Variants in IL18 observed in about 807,000 individuals in gnomAD.
IL18 encodes the protein interleukin 18.
IL18 carries 8 observed loss-of-function variants against 14.2 expected under a neutral mutation model. That is an observed-to-expected ratio of 0.56 (90% CI 0.33 to 1.01). IL18 has a LOEUF of 1.01. Among genes scored for constraint, IL18 ranks in the 50% least tolerant of loss-of-function variants. The pLI, the probability that IL18 is intolerant of heterozygous loss-of-function variation, is 0.03. For missense variants in IL18, 166 were observed against 231.1 expected, an observed-to-expected ratio of 0.72 and a Z score of 1.83; for synonymous variants, 67 against 71.0, an observed-to-expected ratio of 0.94 and a Z score of 0.28.
intron 1 of IL18, among the ~76,000 whole-genome samples, chr11:112,158,381 T>G (rs1866570559): frequency 6.6e-6 from 1 of 152,338 alleles, no homozygotes; most frequent in African/African-American, 2.4e-5. Context: ...ATTGTTGCTT[T>G]CTTTCTTTTT....
Position 112,144,459 on chromosome 11 carries a change from C to A in IL18, c.361-642G>T, listed in dbSNP as rs181057755. Among the ~76,000 whole-genome samples, 9 of 152,290 alleles carry A rather than the reference C, an allele frequency of 5.9e-5. No individual in the cohort carries two copies. In the East Asian group the frequency reaches 1.7e-3, roughly 29 times the overall value. ...GGGGTATCTCACTTTGTTGCCTAGG[C>A]TGGTCCTGAACTCCTGGCCTCAAGT... is the stretch of plus-strand genomic sequence containing the variant. On this transcript the variant is annotated intron_variant, in intron 5 of 5. Transcript: ENST00000280357.
At position 112,143,546 on chromosome 11, in the gene IL18, G is replaced by A. The variant is rs191859038; in HGVS notation, c.*50C>T. ...ATCTGCCCGCCTCAGCCTCCCAAAG[G>A]GCTGGGATTACAGGCGTGAGCCACT... On this transcript the variant is annotated 3_prime_UTR_variant, in exon 6 of 6. Coordinates refer to ENST00000280357, the MANE Select transcript of IL18 (RefSeq NM_001562.4). The A allele has an allele frequency of 2.0e-4, 257 of 1,268,766 alleles. 1 individual carries two copies. In the African/African-American group the frequency reaches 3.4e-3, roughly 17 times the overall value. 78.6% of individuals were successfully genotyped at this position (1,268,766 alleles called of 1,614,324 possible).
intron 5 of IL18, 134 bp from the exon 6 acceptor site, chr11:112,143,951 G>C (rs761553581): frequency 3.2e-6 from 2 of 617,792 alleles, no homozygotes; most frequent in Non-Finnish European, 5.6e-6. Flanking sequence ...AAAAATCTCT[G>C]AACAGCAGTA....
chr11:112,150,332 A>T, intron 3 of IL18, 126 bp from the exon 4 acceptor site: 3 of 650,156 alleles, frequency 4.6e-6, no homozygotes, highest in Non-Finnish European at 7.8e-6. Context: ...AGTAGCTACA[A>T]TAAAGTTGCC....
At chr11:112,150,328 T>A in intron 3 of IL18, 122 bp from the exon 4 acceptor site, 1 of 659,906 alleles carries the variant, frequency 1.5e-6, no homozygotes, top group Non-Finnish European at 2.5e-6. Flanking sequence ...CAGAAGTAGC[T>A]ACAATAAAGT....
intron 2 of IL18, 70 bp downstream of exon 2, chr11:112,154,905 C>T (rs139377429): frequency 5.2e-6 from 5 of 967,094 alleles, no homozygotes; most frequent in African/African-American, 1.6e-5. Flanking sequence ...TAATAGTTCA[C>T]CTCACAACAT....
chr11:112,162,858 C>G lies in IL18; in HGVS notation c.-9+1048G>C, dbSNP rs886409621. Among the ~76,000 whole-genome samples the G allele has an allele frequency of 4.1e-4, 62 of 152,078 alleles. 1 individual carries two copies. The highest frequency in any genetic ancestry group is 4.1e-3 in the Admixed American group (62 of 15,260). The stretch of plus-strand genomic sequence containing the variant: ...GAGAAAGTCTCGCTCTGTTTAGTGG[C>G]TGAACTCACCACAGATTTGGCTATC... On this transcript the variant is annotated intron_variant, in intron 1 of 5. Transcript: ENST00000280357.
Position 112,143,593 on chromosome 11 carries a change from T to C in IL18, c.*3A>G, listed in dbSNP as rs781577029. ...CACTGCGCCCGGCATGAAATTTTAATAGCTAGTCTTCGTTTTGAACAGTGA... is the reference window on the plus strand; with the variant it reads ...CACTGCGCCCGGCATGAAATTTTAACAGCTAGTCTTCGTTTTGAACAGTGA... On this transcript the variant is annotated 3_prime_UTR_variant, in exon 6 of 6. Transcript: ENST00000280357. The C allele has an allele frequency of 1.5e-5, 24 of 1,597,612 alleles. No homozygotes were observed. In the South Asian group the frequency reaches 2.4e-4, roughly 16 times the overall value.
chr11:112,145,255 A>G (rs1440652575), intron 5 of IL18, among the ~76,000 whole-genome samples: 1 of 152,240 alleles, frequency 6.6e-6, no homozygotes, highest in Non-Finnish European at 1.5e-5. Context: ...TAAGTTGATG[A>G]AAGTATAAAC....
intron 1 of IL18, among the ~76,000 whole-genome samples, chr11:112,157,565 C>A (rs867788713): frequency 6.6e-6 from 1 of 152,020 alleles, no homozygotes; most frequent in African/African-American, 2.4e-5. Flanking sequence ...TAATGAATGA[C>A]GTAAGAGCTG....
rs898093667 is a variant in IL18, at chr11:112,143,550, G to A, written c.*46C>T. On this transcript the variant is annotated 3_prime_UTR_variant, in exon 6 of 6. Coordinates refer to ENST00000280357, the MANE Select transcript of IL18 (RefSeq NM_001562.4). ...GCCCGCCTCAGCCTCCCAAAGGGCT[G>A]GGATTACAGGCGTGAGCCACTGCGC... The A allele has an allele frequency of 2.3e-6, 3 of 1,322,342 alleles. No individual in the cohort carries two copies. The highest frequency in any genetic ancestry group is 2.9e-5 in the African/African-American group (2 of 69,252). The allele number at this position is 1,322,342 out of a possible 1,614,324, so 81.9% of individuals were successfully genotyped here.
chr11:112,149,984 T>C, intron 4 of IL18, 88 bp downstream of exon 4: 2 of 1,143,148 alleles, frequency 1.7e-6, no homozygotes, highest in South Asian at 1.7e-5. Flanking sequence ...CATCTGAGGA[T>C]TGGGACTAGC....
chr11:112,143,430 G>A lies in IL18; in HGVS notation c.*166C>T. On this transcript the variant is annotated 3_prime_UTR_variant, in exon 6 of 6. Transcript: ENST00000280357. The stretch of plus-strand genomic sequence containing the variant: ...TGAGTAGCTGGGATTGAGGGCATGC[G>A]TCACTACACTCAGCTAATTTTTTGT... The A allele has an allele frequency of 1.8e-6, 1 of 546,822 alleles. No individual in the cohort carries two copies. Among genetic ancestry groups the A allele is most frequent in the African/African-American group, 1.9e-5 (1 of 52,800 alleles). The allele number at this position is 546,822 out of a possible 1,614,324, so 33.9% of individuals were successfully genotyped here. A position where few individuals can be genotyped will look rare whatever the true frequency, so the allele number is the denominator to read the frequency against.
intron 5 of IL18, among the ~76,000 whole-genome samples, chr11:112,146,740 A>G (rs1592807529): frequency 6.8e-6 from 1 of 147,318 alleles, no homozygotes; most frequent in East Asian, 2.0e-4. Flanking sequence ...TCCACCCCTC[A>G]CTCTCTCCCC....
At chr11:112,155,865 A>G (rs1866522531) in intron 1 of IL18, among the ~76,000 whole-genome samples, 1 of 152,170 alleles carries the variant, frequency 6.6e-6, no homozygotes, top group Non-Finnish European at 1.5e-5. Context: ...ATTTTCACCA[A>G]CCTCTGAAAT....
Position 112,160,312 on chromosome 11 carries a change from C to CTTT in IL18, c.-9+3591_-9+3593dup, listed in dbSNP as rs56345155. On this transcript the variant is annotated intron_variant, in intron 1 of 5. Transcript: ENST00000280357. The stretch of plus-strand genomic sequence containing the variant: ...AGGCCAGAACTTCCCCTTCCCCTGC[C>CTTT]TTTTTTTTTTTTTTGCCTGCAAACC... 1.6e-3 allele frequency among the ~76,000 whole-genome samples: 227 copies of CTTT among 138,064 alleles called. 2 individuals are homozygous for CTTT. Among genetic ancestry groups the CTTT allele is most frequent in the African/African-American group, 4.5e-3 (166 of 37,258 alleles). 90.6% of individuals were successfully genotyped at this position (138,064 alleles called of 152,430 possible).
At chr11:112,149,018 C>G (rs910757932) in intron 4 of IL18, among the ~76,000 whole-genome samples, 1 of 151,900 alleles carries the variant, frequency 6.6e-6, no homozygotes, top group Non-Finnish European at 1.5e-5. Context: ...TGTTGTAACA[C>G]ATATTAAACT....
intron 1 of IL18, among the ~76,000 whole-genome samples, chr11:112,160,167 A>G (rs1866604469): frequency 6.6e-6 from 1 of 151,940 alleles, no homozygotes; most frequent in South Asian, 2.1e-4. Flanking sequence ...CTCCATCTCC[A>G]ACAGCACTGT....
intron 1 of IL18, among the ~76,000 whole-genome samples, chr11:112,155,751 C>T (rs1407932358): frequency 6.6e-6 from 1 of 152,144 alleles, no homozygotes; most frequent in Non-Finnish European, 1.5e-5. Flanking sequence ...TTCCTTTCTG[C>T]CCCTCTTCCA....
Sources: allele counts gnomAD v4.1 joint callset (sites outside exome capture counted in the v4.1 genomes callset), GRCh38; gene constraint gnomAD v4.1.1; transcripts MANE v1.5; gene names NCBI Gene and HGNC (gene_info 2026-07-23, HGNC 2026-07-21).